The following PLD5 variants were observed in gnomAD, a reference collection of about 807,000 sequenced individuals.
The protein encoded by PLD5 is phospholipase D family member 5.
Under a neutral mutation model 61.1 loss-of-function variants are expected in PLD5, and 36 were observed. That is an observed-to-expected ratio of 0.59 (90% confidence interval 0.45 to 0.78). PLD5 has a LOEUF of 0.78. Among genes scored for constraint, PLD5 ranks in the 30% least tolerant of loss-of-function variants. The pLI is 0.00. For missense variants in PLD5, 515 were observed against 644.4 expected, an observed-to-expected ratio of 0.80 and a Z score of 2.17; for synonymous variants, 243 against 242.8, an observed-to-expected ratio of 1.00 and a Z score of -0.01.
At chr1:242,448,210 TATGA>T (rs556922355) in intron 1 of PLD5, among the ~76,000 whole-genome samples, 36 of 152,336 alleles carry the variant, frequency 2.4e-4, no homozygotes, top group Middle Eastern at 6.8e-3. Flanking sequence ...TCTGTGTCCC[TATGA>T]ATGAATGATC....
intron 1 of PLD5, among the ~76,000 whole-genome samples, chr1:242,348,927 G>A (rs552675001): frequency 1.5e-4 from 23 of 152,206 alleles, no homozygotes; most frequent in South Asian, 4.1e-4. Flanking sequence ...GGTGGCAGGC[G>A]CCTGTAATCC....
At chr1:242,454,147 T>G (rs1199544089) in intron 1 of PLD5, among the ~76,000 whole-genome samples, 3 of 152,072 alleles carry the variant, frequency 2.0e-5, no homozygotes, top group Non-Finnish European at 4.4e-5. Context: ...CTGGTCAGCA[T>G]GGTGAGACCC....
intron 1 of PLD5, among the ~76,000 whole-genome samples, chr1:242,360,524 C>T (rs1661006390): frequency 1.3e-5 from 2 of 151,982 alleles, no homozygotes; most frequent in South Asian, 4.2e-4. Context: ...AGAAAGAAAA[C>T]CACTCATAAT....
intron 5 of PLD5, among the ~76,000 whole-genome samples, chr1:242,187,589 C>A (rs1025613581): frequency 6.6e-6 from 1 of 152,166 alleles, no homozygotes; most frequent in African/African-American, 2.4e-5. Context: ...TTCTGGAAGG[C>A]ATATTTAATG....
At chr1:242,112,923 AAG>A (rs1661642576) in intron 7 of PLD5, among the ~76,000 whole-genome samples, 1 of 152,182 alleles carries the variant, frequency 6.6e-6, no homozygotes, top group Admixed American at 6.5e-5. Flanking sequence ...TGATTTCCCA[AAG>A]AGTTTGTCAT....
At chr1:242,352,615 G>A (rs1351097419) in intron 1 of PLD5, among the ~76,000 whole-genome samples, 3 of 152,096 alleles carry the variant, frequency 2.0e-5, no homozygotes, top group African/African-American at 7.2e-5. Context: ...AGTTTTTTGA[G>A]GAATCTCCAT....
intron 1 of PLD5, among the ~76,000 whole-genome samples, chr1:242,494,087 T>TC (rs1668275215): frequency 4.0e-5 from 4 of 99,072 alleles, no homozygotes; most frequent in African/African-American, 1.3e-4. Context: ...TCCCCTGCCC[T>TC]CCCTTCCCCT....
At chr1:242,304,669 T>A (rs561503031) in intron 2 of PLD5, among the ~76,000 whole-genome samples, 1 of 152,358 alleles carries the variant, frequency 6.6e-6, no homozygotes, top group East Asian at 1.9e-4. Flanking sequence ...TAAATTTGAA[T>A]ATGTCAAAGT....
At chr1:242,091,319 G>A (rs188680226) in intron 9 of PLD5, among the ~76,000 whole-genome samples, 3 of 152,308 alleles carry the variant, frequency 2.0e-5, no homozygotes, top group Admixed American at 2.0e-4. Context: ...CCCTAGAAGA[G>A]ACTAATCATG....
intron 4 of PLD5, among the ~76,000 whole-genome samples, chr1:242,252,281 G>T (rs543428656): frequency 6.6e-6 from 1 of 152,320 alleles, no homozygotes; most frequent in African/African-American, 2.4e-5. Flanking sequence ...ACCAGTTCTC[G>T]TGACATTGAT....
At chr1:242,245,118 T>A (rs1218941684) in intron 4 of PLD5, among the ~76,000 whole-genome samples, 1 of 152,198 alleles carries the variant, frequency 6.6e-6, no homozygotes, top group Admixed American at 6.5e-5. Flanking sequence ...AACCTTCAAG[T>A]TTTTCAGACT....
intron 1 of PLD5, among the ~76,000 whole-genome samples, chr1:242,371,867 G>GTTT (rs5782232): frequency 6.7e-6 from 1 of 148,956 alleles, no homozygotes; most frequent in African/African-American, 2.5e-5. Flanking sequence ...TTTTTTAAAA[G>GTTT]TTTTTTTTTT....
chr1:242,152,195 T>C (rs1248752799), intron 5 of PLD5, among the ~76,000 whole-genome samples: 1 of 152,026 alleles, frequency 6.6e-6, no homozygotes, highest in Non-Finnish European at 1.5e-5. Context: ...GCTGCTCACC[T>C]TCCCTGTCGC....
chr1:242,127,729 C>T (rs1009150162), intron 5 of PLD5, among the ~76,000 whole-genome samples: 4 of 151,978 alleles, frequency 2.6e-5, no homozygotes, highest in African/African-American at 7.3e-5. Flanking sequence ...GGGTGATGAG[C>T]GCACCAAAAT....
intron 5 of PLD5, among the ~76,000 whole-genome samples, chr1:242,160,639 C>A (rs1665746644): frequency 6.6e-6 from 1 of 152,128 alleles, no homozygotes; most frequent in Non-Finnish European, 1.5e-5. Flanking sequence ...GTAATCCCAG[C>A]ACTTTGGGAG....
At chr1:242,297,199 C>G (rs1298913514) in intron 2 of PLD5, among the ~76,000 whole-genome samples, 2 of 152,056 alleles carry the variant, frequency 1.3e-5, no homozygotes, top group African/African-American at 4.8e-5. Context: ...CAAAAATTAG[C>G]TGGGCATGGT....
At chr1:242,207,904 TTA>T (rs1379831762) in intron 5 of PLD5, among the ~76,000 whole-genome samples, 170 of 13,274 alleles carry the variant, frequency 0.013, 36 homozygotes, top group African/African-American at 0.071. Flanking sequence ...ATTTATATAT[TTA>T]TATATATTTA....
At chr1:242,186,095 A>ATTT (rs2148914517) in intron 5 of PLD5, among the ~76,000 whole-genome samples, 1 of 152,182 alleles carries the variant, frequency 6.6e-6, no homozygotes, top group South Asian at 2.1e-4. Context: ...TATCAATTCA[A>ATTT]TTTTAATATA....
chr1:242,247,248 C>T (rs1394716515), intron 4 of PLD5, among the ~76,000 whole-genome samples: 3 of 152,182 alleles, frequency 2.0e-5, no homozygotes, highest in African/African-American at 7.2e-5. Context: ...TCCCAGAGTG[C>T]TGGGATTACA....
Sources: gnomAD v4.1 joint callset for allele counts (sites outside exome capture counted in the v4.1 genomes callset) on GRCh38, gnomAD v4.1.1 for gene constraint, MANE v1.5 for transcripts, NCBI Gene and HGNC (gene_info 2026-07-23, HGNC 2026-07-21) for gene names.